CACNA1I: variants seen among roughly 807,000 people sequenced by gnomAD.
CACNA1I encodes the protein calcium voltage-gated channel subunit alpha1 I.
CACNA1I carries 74 observed loss-of-function variants against 201.6 expected under a neutral mutation model. The observed-to-expected ratio is 0.37, with a 90% CI of 0.30 to 0.45. CACNA1I has a LOEUF of 0.45. Ranked by LOEUF, CACNA1I falls within the 20% of genes least tolerant of loss-of-function variation. The pLI, the probability that CACNA1I is intolerant of heterozygous loss-of-function variation, is 1.00. For missense variants in CACNA1I, 2,346 were observed against 3,138.1 expected, an observed-to-expected ratio of 0.75 and a Z score of 6.03; for synonymous variants, 1,431 against 1,345.2, an observed-to-expected ratio of 1.06 and a Z score of -1.40.
intron 1 of CACNA1I, among the ~76,000 whole-genome samples, chr22:39,588,870 C>T (rs554676893): frequency 3.3e-5 from 5 of 152,264 alleles, no homozygotes; most frequent in African/African-American, 7.2e-5. Context: ...TGGAGTTACG[C>T]GTTGTTTGCT....
In CACNA1I at chr22:39,662,420, G is replaced by A; in HGVS notation, c.3357G>A (p.Glu1119=). 6.9e-7 allele frequency: 1 copy of A among 1,453,192 alleles called. No homozygotes were observed. Among genetic ancestry groups the A allele is most frequent in the South Asian group, 1.4e-5 (1 of 70,030 alleles). The allele number at this position is 1,453,192 out of a possible 1,614,324, so 90.0% of individuals were successfully genotyped here. ...MGDRGDRGED[E]EEIDYTLCFR... is the part of the protein sequence containing the mutation. ...ACCGCGGGGATCGCGGGGAGGATGAGGAGGAAATCGACTACGTGAGTGGGG... is the reference window on the plus strand; with the variant it reads ...ACCGCGGGGATCGCGGGGAGGATGAAGAGGAAATCGACTACGTGAGTGGGG... Residue 1119 remains glutamate (E), a synonymous_variant, in exon 17 of 37, where the codon GAG becomes GAA. Coordinates refer to ENST00000402142, the MANE Select transcript of CACNA1I (RefSeq NM_021096.4).
chr22:39,578,577 C>G (rs933477751), intron 1 of CACNA1I, among the ~76,000 whole-genome samples: 1 of 152,042 alleles, frequency 6.6e-6, no homozygotes, highest in African/African-American at 2.4e-5. Flanking sequence ...GTCACCTCTC[C>G]CCTGGGCTCC....
At chr22:39,642,709 C>A in intron 6 of CACNA1I, 88 bp from the exon 7 acceptor site, 1 of 836,864 alleles carries the variant, frequency 1.2e-6, no homozygotes, top group Non-Finnish European at 2.0e-6. Context: ...TTCTGGCACA[C>A]AGTGGGGCCT....
intron 16 of CACNA1I, 41 bp from the exon 17 acceptor site, chr22:39,661,924 T>A (rs1207716788): frequency 7.5e-7 from 1 of 1,330,390 alleles, no homozygotes; most frequent in Non-Finnish European, 1.0e-6. Flanking sequence ...CAGCCGTGGG[T>A]GTGCCTGTGG....
At chr22:39,681,411 G>A (rs1224410264) in intron 34 of CACNA1I, among the ~76,000 whole-genome samples, 1 of 152,222 alleles carries the variant, frequency 6.6e-6, no homozygotes, top group Non-Finnish European at 1.5e-5. Context: ...CCTGCTATGT[G>A]CGGGGGCGGT....
At chr22:39,587,550 G>A (rs904316299) in intron 1 of CACNA1I, among the ~76,000 whole-genome samples, 12 of 152,144 alleles carry the variant, frequency 7.9e-5, no homozygotes, top group African/African-American at 1.7e-4. Context: ...CCTGTCTCCC[G>A]AGGCAGCTGT....
rs546960227 is a variant in CACNA1I, at chr22:39,648,315, C to T, written c.1567+389C>T. Among the ~76,000 whole-genome samples, 6 of 152,292 alleles carry T rather than the reference C, an allele frequency of 3.9e-5. No homozygotes were observed. Among genetic ancestry groups the T allele is most frequent in the South Asian group, 4.1e-4 (2 of 4,828 alleles). On this transcript the variant is annotated intron_variant, in intron 9 of 36. Transcript: ENST00000402142. This position sits in a 1 kb window ranked among gnomAD's most constrained non-coding sequence, Gnocchi z 5.4. ...GGCATGCGGACACAGGAGCTGGGGCCGGGCAAGGCTGGCACTGGTGTTGCT... is the reference window on the plus strand; with the variant it reads ...GGCATGCGGACACAGGAGCTGGGGCTGGGCAAGGCTGGCACTGGTGTTGCT...
rs757008650 is a variant in CACNA1I, at chr22:39,649,786, C to A, written c.1853C>A (p.Ala618Glu). The A allele has an allele frequency of 1.1e-5, 17 of 1,609,712 alleles. No homozygotes were observed. Among genetic ancestry groups the A allele is most frequent in the Non-Finnish European group, 1.4e-5 (17 of 1,178,086 alleles). The change falls in exon 10 of 37, where the codon GCG becomes GAG. Residue 618 changes from alanine (A) to glutamate (E), a missense_variant. Ala to Glu is a moderately radical substitution (Grantham distance 107). Around this residue, in one of 13 missense-constraint regions of CACNA1I, gnomAD observed 312 missense variants for 331.5 expected, o/e 0.94. Transcript: ENST00000402142. This position sits in a 1 kb window ranked among gnomAD's most constrained non-coding sequence, Gnocchi z 7.3. ...GAGGAGGAGGAGCAGGCGGATGGGG[C>A]GGTCTGGCTGTGCGGGGATGTGTGG... ...EEEEEEQADG[A>E]VWLCGDVWRE...
chr22:39,681,201 G>A, intron 34 of CACNA1I, 149 bp downstream of exon 34: 1 of 915,844 alleles, frequency 1.1e-6, no homozygotes, highest in East Asian at 2.9e-5. Context: ...ACAGATGAGG[G>A]CAGTAGGGCT....
chr22:39,677,280 C>T lies in CACNA1I; in HGVS notation c.4855-61C>T, dbSNP rs1601526376. On this transcript the variant is annotated intron_variant, in intron 29 of 36. Coordinates refer to ENST00000402142, the MANE Select transcript of CACNA1I (RefSeq NM_021096.4). The surrounding 1 kb of genome is among the most constrained non-coding windows in gnomAD (Gnocchi z 4.8). ...CCACTGCCCCAGCCTCCACCCTTCC[C>T]AGGCCTGGTGCGCCCCCACCCGCTC... is the stretch of plus-strand genomic sequence containing the variant. 3 of 1,196,276 alleles carry T rather than the reference C, an allele frequency of 2.5e-6. No homozygotes were observed. In the East Asian group the frequency reaches 7.6e-5, roughly 30 times the overall value. 74.1% of individuals were successfully genotyped at this position (1,196,276 alleles called of 1,614,324 possible). A position where few individuals can be genotyped will look rare whatever the true frequency, so the allele number is the denominator to read the frequency against.
intron 1 of CACNA1I, among the ~76,000 whole-genome samples, chr22:39,571,711 T>C (rs1485393277): frequency 6.6e-6 from 1 of 152,212 alleles, no homozygotes; most frequent in Non-Finnish European, 1.5e-5. Flanking sequence ...CTTTGCTACA[T>C]CCTTAAAATC....
chr22:39,658,316 C>G lies in CACNA1I; in HGVS notation c.2144+13C>G, dbSNP rs776343250. 2 of 1,612,192 alleles carry G rather than the reference C, an allele frequency of 1.2e-6. No homozygotes were observed. The highest frequency in any genetic ancestry group is 1.3e-5 in the African/African-American group (1 of 75,020). ...TTGTCATCATCAGGTACCCCTCCCCCAACCCACCCGGCAGCAGAGTGCCTC... is the reference window on the plus strand; with the variant it reads ...TTGTCATCATCAGGTACCCCTCCCCGAACCCACCCGGCAGCAGAGTGCCTC... On this transcript the variant is annotated intron_variant, in intron 11 of 36. Coordinates refer to ENST00000402142, the MANE Select transcript of CACNA1I (RefSeq NM_021096.4).
In CACNA1I at chr22:39,591,680, T is replaced by C. The variant is rs185458436; in HGVS notation, c.237-6471T>C. Among the ~76,000 whole-genome samples, 951 of 152,176 alleles carry C rather than the reference T, an allele frequency of 6.2e-3. 6 individuals are homozygous for C. Among genetic ancestry groups the C allele is most frequent in the African/African-American group, 0.022 (908 of 41,524 alleles). ...TTCAAGCGATTCTTCCACCTCAACC[T>C]CCCAAGTAGCTGGGATTACAGGCGC... On this transcript the variant is annotated intron_variant, in intron 1 of 36. Transcript: ENST00000402142.
chr22:39,627,346 G>A (rs895317269), intron 4 of CACNA1I, among the ~76,000 whole-genome samples: 4 of 152,224 alleles, frequency 2.6e-5, no homozygotes, highest in African/African-American at 9.6e-5. Context: ...CGAGGCAGGC[G>A]GGGGGCCAGG....
intron 3 of CACNA1I, among the ~76,000 whole-genome samples, chr22:39,610,686 G>T (rs1051936284): frequency 6.6e-6 from 1 of 152,134 alleles, no homozygotes; most frequent in African/African-American, 2.4e-5. Flanking sequence ...CAGCTTCAGG[G>T]CCCGCTTGCT....
chr22:39,574,484 G>T (rs1413363810), intron 1 of CACNA1I, among the ~76,000 whole-genome samples: 1 of 151,910 alleles, frequency 6.6e-6, no homozygotes, highest in Non-Finnish European at 1.5e-5. Context: ...GATGGGGTGC[G>T]TGTGTGGGTG....
intron 1 of CACNA1I, among the ~76,000 whole-genome samples, chr22:39,596,020 G>T (rs538229964): frequency 5.4e-5 from 8 of 149,132 alleles, no homozygotes; most frequent in African/African-American, 2.0e-4. Context: ...CTCAGCCCTT[G>T]AAGTGGGAAC....
chr22:39,590,916 G>T (rs1932813162), intron 1 of CACNA1I, among the ~76,000 whole-genome samples: 1 of 152,256 alleles, frequency 6.6e-6, no homozygotes, highest in Non-Finnish European at 1.5e-5. Context: ...CTTGATCTTG[G>T]CTCACAGCGA....
At chr22:39,652,265 G>A (rs1934674958) in intron 10 of CACNA1I, among the ~76,000 whole-genome samples, 3 of 152,146 alleles carry the variant, frequency 2.0e-5, no homozygotes, top group Admixed American at 6.5e-5. Context: ...CAAAGTGCTG[G>A]GATTACAGGC....
Sources: gnomAD v4.1 joint callset for allele counts (sites outside exome capture counted in the v4.1 genomes callset) on GRCh38, gnomAD v4.1.1 for gene constraint, gnomAD v4.1.1 regional missense constraint, Gnocchi (gnomAD v3.1) non-coding constraint, MANE v1.5 for transcripts, NCBI Gene and HGNC (gene_info 2026-07-23, HGNC 2026-07-21) for gene names.